ZNF558: variants seen among roughly 807,000 people sequenced by gnomAD.
The protein encoded by ZNF558 is zinc finger protein 558.
Under a neutral mutation model 37.6 loss-of-function variants are expected in ZNF558, and 23 were observed. That is an observed-to-expected ratio of 0.61 (90% CI 0.44 to 0.87). The LOEUF is 0.87. ZNF558 is among the 40% of genes least tolerant of loss of function. The pLI is 0.00. For missense variants in ZNF558, 429 were observed against 483.7 expected, an observed-to-expected ratio of 0.89 and a Z score of 1.06; for synonymous variants, 189 against 174.4, an observed-to-expected ratio of 1.08 and a Z score of -0.66.
chr19:8,811,658 AG>A lies in ZNF558; in HGVS notation c.831del (p.Ser278LeufsTer30). 6.2e-7 allele frequency: 1 copy of A among 1,614,180 alleles called. No individual in the cohort carries two copies. Among genetic ancestry groups the A allele is most frequent in the Non-Finnish European group, 8.5e-7 (1 of 1,180,032 alleles). ...NQCGKAFSTR[S>X]SLTGHNSIHT... The stretch of plus-strand genomic sequence containing the variant: ...TGAATGCTATTGTGCCCAGTGAGAG[AG>A]GACCTTGTGCTGAAAGCTTTTCCAC... On this transcript the variant is annotated frameshift_variant, in exon 10 of 10. Transcript: ENST00000601372. LOFTEE classifies it high-confidence loss of function.
intron 7 of ZNF558, among the ~76,000 whole-genome samples, chr19:8,813,774 A>G (rs781872397): frequency 6.6e-6 from 1 of 152,252 alleles, no homozygotes; most frequent in Non-Finnish European, 1.5e-5. Flanking sequence ...CCAGAAGGCC[A>G]TGCCTGAGTT....
intron 7 of ZNF558, among the ~76,000 whole-genome samples, chr19:8,818,220 G>A (rs1358627541): frequency 3.9e-5 from 6 of 151,984 alleles, no homozygotes; most frequent in South Asian, 4.2e-4. Context: ...TTGGGAGGTC[G>A]AGGTGGGTGG....
chr19:8,835,322 G>C (rs970716737), upstream of ZNF558, among the ~76,000 whole-genome samples: 1 of 152,110 alleles, frequency 6.6e-6, no homozygotes, highest in Non-Finnish European at 1.5e-5. Context: ...TAAGTGCTGG[G>C]ATTACAGGTG....
rs781888510 is a variant in ZNF558 at position 8,806,650 on chromosome 19, G to C, written c.*4631C>G. The C allele has an allele frequency of 7.0e-6, 1 of 143,446 alleles. No homozygotes were observed. Among genetic ancestry groups the C allele is most frequent in the Non-Finnish European group, 1.5e-5 (1 of 67,194 alleles). The allele number at this position is 143,446 out of a possible 1,614,324, so 8.9% of individuals were successfully genotyped here. A position where few individuals can be genotyped will look rare whatever the true frequency, so the allele number is the denominator to read the frequency against. On this transcript the variant is annotated 3_prime_UTR_variant, in exon 10 of 10. Transcript: ENST00000601372. ...GGAGGAGGAGGTTGCAGTGAGCCGA[G>C]ATCATGCCACTGCACTCCAGCATGG...
At chr19:8,820,482 TTTTTG>T (rs2044056500) in intron 7 of ZNF558, among the ~76,000 whole-genome samples, 1 of 152,304 alleles carries the variant, frequency 6.6e-6, no homozygotes, top group South Asian at 2.1e-4. Flanking sequence ...TAGCTAAGTT[TTTTTG>T]TTTTGTTTTT....
rs2044199529 is a variant in ZNF558 at position 8,825,030 on chromosome 19, G to A, written c.-430C>T. 6.6e-6 allele frequency: 1 copy of A among 152,208 alleles called. No individual in the cohort carries two copies. The highest frequency in any genetic ancestry group is 2.1e-4 in the South Asian group (1 of 4,824). The allele number at this position is 152,208 out of a possible 1,614,324, so 9.4% of individuals were successfully genotyped here. The stretch of plus-strand genomic sequence containing the variant: ...GGAGACGTGGATTGCAGCAACTCTG[G>A]CGCTATTTCCTATCTGGCAGGTCAA... On this transcript the variant is annotated 5_prime_UTR_variant, in exon 3 of 10. Coordinates refer to ENST00000601372, the MANE Select transcript of ZNF558 (RefSeq NM_144693.3).
chr19:8,809,744 G>A lies in ZNF558; in HGVS notation c.*1537C>T, dbSNP rs2043738539. The A allele has an allele frequency of 6.6e-6, 1 of 152,028 alleles. No homozygotes were observed. The highest frequency in any genetic ancestry group is 2.1e-4 in the South Asian group (1 of 4,824). The allele number at this position is 152,028 out of a possible 1,614,324, so 9.4% of individuals were successfully genotyped here. ...ATGTTAATGTTTATTTTAGGGAACAGCTATACACAAATGTTTATATTAAAA... is the reference window on the plus strand; with the variant it reads ...ATGTTAATGTTTATTTTAGGGAACAACTATACACAAATGTTTATATTAAAA... On this transcript the variant is annotated 3_prime_UTR_variant, in exon 10 of 10. Coordinates refer to ENST00000601372, the MANE Select transcript of ZNF558 (RefSeq NM_144693.3).
intron 9 of ZNF558, among the ~76,000 whole-genome samples, 183 bp downstream of exon 9, chr19:8,812,378 G>A (rs1433509728): frequency 2.6e-5 from 4 of 152,206 alleles, no homozygotes; most frequent in African/African-American, 9.7e-5. Context: ...GAAGAAATAA[G>A]TTTGGAGCTA....
At chr19:8,818,728 AC>A (rs2044004871) in intron 7 of ZNF558, among the ~76,000 whole-genome samples, 1 of 152,176 alleles carries the variant, frequency 6.6e-6, no homozygotes. Flanking sequence ...TGACCCAAGG[AC>A]AGATACATAG....
At chr19:8,828,098 C>A (rs1424635946) in intron 2 of ZNF558, among the ~76,000 whole-genome samples, 1 of 152,148 alleles carries the variant, frequency 6.6e-6, no homozygotes. Context: ...GGCCTGTGAA[C>A]CCCAAGTGGG....
rs1399801765 is a variant in ZNF558, at chr19:8,808,584, T to A, written c.*2697A>T. On this transcript the variant is annotated 3_prime_UTR_variant, in exon 10 of 10. Transcript: ENST00000601372. ...TACTTGGAAATACAATTAAGTTGCATTAATGTTCATATACCCTATATCCAA... is the reference window on the plus strand; with the variant it reads ...TACTTGGAAATACAATTAAGTTGCAATAATGTTCATATACCCTATATCCAA... The A allele has an allele frequency of 6.6e-6, 1 of 152,196 alleles. No individual in the cohort carries two copies. Among genetic ancestry groups the A allele is most frequent in the South Asian group, 2.1e-4 (1 of 4,834 alleles). 9.4% of individuals were successfully genotyped at this position (152,196 alleles called of 1,614,324 possible). A position where few individuals can be genotyped will look rare whatever the true frequency, so the allele number is the denominator to read the frequency against.
At chr19:8,836,899 TA>T (rs2044461657), upstream of ZNF558, among the ~76,000 whole-genome samples, 1 of 152,146 alleles carries the variant, frequency 6.6e-6, no homozygotes, top group Non-Finnish European at 1.5e-5. Context: ...CATTATTACA[TA>T]AAGAATATTT....
At chr19:8,837,257 A>G (rs2044465006), upstream of ZNF558, among the ~76,000 whole-genome samples, 1 of 152,214 alleles carries the variant, frequency 6.6e-6, no homozygotes, top group Non-Finnish European at 1.5e-5. Context: ...GAAATGTTTG[A>G]ACCTTGTTAA....
intron 7 of ZNF558, among the ~76,000 whole-genome samples, chr19:8,817,800 A>G (rs1238885598): frequency 6.6e-6 from 1 of 152,214 alleles, no homozygotes; most frequent in East Asian, 1.9e-4. Context: ...ACGATTATAA[A>G]CATATATGTG....
rs1249036866 is a variant in ZNF558 at position 8,812,700 on chromosome 19, C to T, written c.344-57G>A. The stretch of plus-strand genomic sequence containing the variant: ...TGGAGAAAAGAAATGGAAAAGTGTA[C>T]ACATGAGTAAAGGCAGATTCTGAGG... On this transcript the variant is annotated intron_variant, in intron 8 of 9. Coordinates refer to ENST00000601372, the MANE Select transcript of ZNF558 (RefSeq NM_144693.3). 6 of 1,175,008 alleles carry T rather than the reference C, an allele frequency of 5.1e-6. No individual in the cohort carries two copies. In the Admixed American group the frequency reaches 7.4e-5, roughly 14 times the overall value. The allele number at this position is 1,175,008 out of a possible 1,614,324, so 72.8% of individuals were successfully genotyped here. A position where few individuals can be genotyped will look rare whatever the true frequency, so the allele number is the denominator to read the frequency against.
intron 1 of ZNF558, chr19:8,831,994 C>G (rs915015212): frequency 6.6e-6 from 1 of 152,458 alleles, no homozygotes; most frequent in Admixed American, 6.5e-5. Context: ...CGGAATCGCC[C>G]CGGGTGAGGG....
intron 2 of ZNF558, among the ~76,000 whole-genome samples, chr19:8,828,838 C>T (rs1442328094): frequency 6.6e-6 from 1 of 152,060 alleles, no homozygotes; most frequent in Non-Finnish European, 1.5e-5. Flanking sequence ...TGGTATGTGC[C>T]TGTAATCCTA....
In ZNF558 at chr19:8,807,989, T is replaced by A. The variant is rs1338945475; in HGVS notation, c.*3292A>T. Reference sequence around the variant, plus strand: ...AGTTTTCTCATCTGTAAACTGGGGATAATAACATTACATACTTAAGTTTAT... The same window carrying A: ...AGTTTTCTCATCTGTAAACTGGGGAAAATAACATTACATACTTAAGTTTAT... On this transcript the variant is annotated 3_prime_UTR_variant, in exon 10 of 10. Coordinates refer to ENST00000601372, the MANE Select transcript of ZNF558 (RefSeq NM_144693.3). The A allele has an allele frequency of 6.6e-6, 1 of 152,182 alleles. No homozygotes were observed. Among genetic ancestry groups the A allele is most frequent in the Admixed American group, 6.5e-5 (1 of 15,276 alleles). 9.4% of individuals were successfully genotyped at this position (152,182 alleles called of 1,614,324 possible).
rs2044116272 is a variant in ZNF558 at position 8,822,373 on chromosome 19, T to A, written c.31+256A>T. 1.3e-5 allele frequency among the ~76,000 whole-genome samples: 2 copies of A among 152,140 alleles called. No individual in the cohort carries two copies. On this transcript the variant is annotated intron_variant, in intron 5 of 9. Coordinates refer to ENST00000601372, the MANE Select transcript of ZNF558 (RefSeq NM_144693.3). This position sits in a 1 kb window ranked among gnomAD's most constrained non-coding sequence, Gnocchi z 4.4. ...CAAGTTCCAAGGGCGTCACTGTGTT[T>A]TTATCAGATTCACAGAAAGAACTAA...
Sources: gnomAD v4.1 joint callset for allele counts (sites outside exome capture counted in the v4.1 genomes callset) on GRCh38, gnomAD v4.1.1 for gene constraint, Gnocchi (gnomAD v3.1) non-coding constraint, MANE v1.5 for transcripts, NCBI Gene and HGNC (gene_info 2026-07-23, HGNC 2026-07-21) for gene names.